Variants in BUB1B observed in about 807,000 individuals in gnomAD.
The protein encoded by BUB1B is mitotic checkpoint serine/threonine-protein kinase BUB1 beta.
Under a neutral mutation model 137.7 loss-of-function variants are expected in BUB1B, and 86 were observed. The ratio of observed to expected loss-of-function variants is 0.62; its 90% CI spans 0.52 to 0.75. BUB1B has a LOEUF of 0.75. BUB1B is among the 30% of genes least tolerant of loss of function. The pLI is 0.00. For missense variants in BUB1B, 1,130 were observed against 1,236.9 expected, an observed-to-expected ratio of 0.91 and a Z score of 1.30; for synonymous variants, 420 against 417.9, an observed-to-expected ratio of 1.00 and a Z score of -0.06.
intron 15 of BUB1B, 84 bp downstream of exon 15, chr15:40,206,542 T>G: frequency 6.4e-7 from 1 of 1,562,698 alleles, no homozygotes; most frequent in Non-Finnish European, 8.8e-7. Context: ...TAATCAGTTA[T>G]CAAGTTCTTA....
intron 1 of BUB1B, among the ~76,000 whole-genome samples, chr15:40,161,651 C>T (rs2037044148): frequency 6.6e-6 from 1 of 152,236 alleles, no homozygotes; most frequent in African/African-American, 2.4e-5. Context: ...TGTTAAGTAA[C>T]TGCTTCCAAA....
intron 2 of BUB1B, among the ~76,000 whole-genome samples, chr15:40,166,679 G>A (rs1410241065): frequency 6.6e-6 from 1 of 152,174 alleles, no homozygotes; most frequent in African/African-American, 2.4e-5. Flanking sequence ...GGAATTGTTG[G>A]ACCATAGAAT....
chr15:40,170,107 G>A lies in BUB1B; in HGVS notation c.225G>A (p.Leu75=), dbSNP rs770986034. 6.2e-7 allele frequency: 1 copy of A among 1,613,466 alleles called. No homozygotes were observed. The highest frequency in any genetic ancestry group is 2.2e-5 in the East Asian group (1 of 44,864). ...EIRFYTGNDP[L]DVWDRYISWT... The stretch of plus-strand genomic sequence containing the variant: ...GATTTTACACTGGAAATGACCCTCT[G>A]GATGTTTGGGATAGGTGGGTCTTTT... The change falls in exon 3 of 23, where the codon CTG becomes CTA. Residue 75 remains leucine (L), a synonymous_variant. Coordinates refer to ENST00000287598, the MANE Select transcript of BUB1B (RefSeq NM_001211.6).
intron 14 of BUB1B, among the ~76,000 whole-genome samples, chr15:40,204,558 T>G (rs187448843): frequency 6.6e-6 from 1 of 151,848 alleles, no homozygotes; most frequent in African/African-American, 2.4e-5. Flanking sequence ...ATAAGTAGTA[T>G]TTGCATAAAA....
intron 4 of BUB1B, chr15:40,174,105 A>C (rs765598838): frequency 6.3e-6 from 2 of 318,006 alleles, no homozygotes; most frequent in African/African-American, 4.5e-5. Context: ...CTTATTCAGC[A>C]CTCTGAATAA....
chr15:40,190,292 A>T (rs1482222374), intron 8 of BUB1B, among the ~76,000 whole-genome samples: 3 of 151,902 alleles, frequency 2.0e-5, no homozygotes, highest in Non-Finnish European at 4.4e-5. Context: ...TTTATTTTTT[A>T]TTTTTATTTT....
In BUB1B at chr15:40,210,216, A is replaced by T. The variant is rs1432486988; in HGVS notation, c.2385+6A>T. Reference sequence around the variant, plus strand: ...CAGAATTAACAGTAATAAAGGTGGGACTGATTCTTTATAATTTCAGTTACT... The same window carrying T: ...CAGAATTAACAGTAATAAAGGTGGGTCTGATTCTTTATAATTTCAGTTACT... On this transcript the variant is annotated splice_donor_region_variant and intron_variant, in intron 18 of 22. Coordinates refer to ENST00000287598, the MANE Select transcript of BUB1B (RefSeq NM_001211.6). 1 of 1,573,158 alleles carries T rather than the reference A, an allele frequency of 6.4e-7. No individual in the cohort carries two copies. Among genetic ancestry groups the T allele is most frequent in the South Asian group, 1.1e-5 (1 of 90,194 alleles).
rs1440386906 is a variant in BUB1B, at chr15:40,218,566, A to G, written c.2957+4A>G. The G allele has an allele frequency of 1.3e-6, 2 of 1,589,702 alleles. No homozygotes were observed. Among genetic ancestry groups the G allele is most frequent in the Admixed American group, 3.3e-5 (2 of 59,966 alleles). On this transcript the variant is annotated splice_donor_region_variant and intron_variant, in intron 22 of 22. Coordinates refer to ENST00000287598, the MANE Select transcript of BUB1B (RefSeq NM_001211.6). ...AACTTAGCCAAAATATTTCTGAGTAAGTATTGATGAATGTCAGGGTCTCTG... is the reference window on the plus strand; with the variant it reads ...AACTTAGCCAAAATATTTCTGAGTAGGTATTGATGAATGTCAGGGTCTCTG...
At chr15:40,206,131 G>C (rs916597006) in intron 14 of BUB1B, 53 bp from the exon 15 acceptor site, 16 of 1,591,226 alleles carry the variant, frequency 1.0e-5, no homozygotes, top group Non-Finnish European at 1.3e-5. Flanking sequence ...CAGTAAAAAA[G>C]TTCTTCATGT....
Position 40,199,710 on chromosome 15 carries a change from G to C in BUB1B, c.1384G>C (p.Glu462Gln). ...AAAAGAAATCCAAACTACTCAGCAA[G>C]AAAGAACAGGTGATCAGGTAATTTT... ...KLKEIQTTQQ[E>Q]RTGDQQEETM... is the part of the protein sequence containing the mutation. The change falls in exon 10 of 23, where the codon GAA becomes CAA. Residue 462 changes from glutamate (E) to glutamine (Q), a missense_variant. Physicochemically the swap from Glu to Gln is conservative, Grantham distance 29. Transcript: ENST00000287598. 1 of 1,613,098 alleles carries C rather than the reference G, an allele frequency of 6.2e-7. No homozygotes were observed. Among genetic ancestry groups the C allele is most frequent in the Non-Finnish European group, 8.5e-7 (1 of 1,179,152 alleles).
intron 5 of BUB1B, among the ~76,000 whole-genome samples, chr15:40,181,832 C>T (rs2037297425): frequency 6.6e-6 from 1 of 152,144 alleles, no homozygotes; most frequent in Non-Finnish European, 1.5e-5. Context: ...TTCTGTTTCT[C>T]TGTTGAGAAT....
chr15:40,190,769 A>T (rs1201986032), intron 8 of BUB1B, among the ~76,000 whole-genome samples: 2 of 152,192 alleles, frequency 1.3e-5, no homozygotes, highest in Non-Finnish European at 2.9e-5. Flanking sequence ...AGCTGATCTG[A>T]TACGAGTCAG....
At chr15:40,164,178 T>C (rs910395857) in intron 1 of BUB1B, among the ~76,000 whole-genome samples, 4 of 152,200 alleles carry the variant, frequency 2.6e-5, no homozygotes, top group Non-Finnish European at 5.9e-5. Context: ...AAACTTCAGT[T>C]TTGAATCATC....
At chr15:40,201,796 A>G (rs2037573157) in intron 12 of BUB1B, among the ~76,000 whole-genome samples, 1 of 151,968 alleles carries the variant, frequency 6.6e-6, no homozygotes, top group South Asian at 2.1e-4. Context: ...CCTCCCGACT[A>G]GCTGGGACTA....
chr15:40,220,204 A>G (rs2037877752), intron 22 of BUB1B, among the ~76,000 whole-genome samples: 1 of 152,264 alleles, frequency 6.6e-6, no homozygotes, highest in Admixed American at 6.5e-5. Flanking sequence ...GGTAGGAGAA[A>G]GGAGCTGTAG....
chr15:40,212,235 A>G, intron 18 of BUB1B, among the ~76,000 whole-genome samples: 1 of 152,234 alleles, frequency 6.6e-6, no homozygotes, highest in East Asian at 1.9e-4. Flanking sequence ...GTATAGGAAA[A>G]TAGCCTTGTA....
intron 20 of BUB1B, among the ~76,000 whole-genome samples, chr15:40,216,139 A>G (rs1392588722): frequency 6.6e-6 from 1 of 152,004 alleles, no homozygotes; most frequent in Non-Finnish European, 1.5e-5. Context: ...CCAAAGTTAT[A>G]TAAATATTTT....
intron 1 of BUB1B, among the ~76,000 whole-genome samples, chr15:40,164,662 C>CTT (rs1174963610): frequency 0.016 from 2,061 of 127,574 alleles, 60 homozygotes; most frequent in African/African-American, 0.055. Context: ...ATTCATTTTT[C>CTT]TTTTTTTTTT....
At chr15:40,165,336 C>T (rs902482969) in intron 2 of BUB1B, 140 bp downstream of exon 2, 13 of 1,088,836 alleles carry the variant, frequency 1.2e-5, no homozygotes, top group African/African-American at 1.1e-4. Context: ...TACCTGCTTT[C>T]GTATCACATG....
Sources: gnomAD v4.1 joint callset for allele counts (sites outside exome capture counted in the v4.1 genomes callset) on GRCh38, gnomAD v4.1.1 for gene constraint, MANE v1.5 for transcripts, NCBI Gene and HGNC (gene_info 2026-07-23, HGNC 2026-07-21) for gene names.